The following NFXL1 variants were observed in gnomAD, a reference collection of about 807,000 sequenced individuals.
NFXL1 encodes nuclear transcription factor, X-box binding like 1.
NFXL1 carries 66 observed loss-of-function variants against 123.3 expected under a neutral mutation model. The ratio of observed to expected loss-of-function variants is 0.54; its 90% CI spans 0.44 to 0.66. NFXL1 has a LOEUF of 0.66. Ranked by LOEUF, NFXL1 falls within the 30% of genes least tolerant of loss-of-function variation. NFXL1 has a pLI of 0.00. For synonymous variants in NFXL1, 346 were observed against 360.8 expected (o/e 0.96, Z 0.46); for missense variants, 944 against 1,125.6 (o/e 0.84, Z 2.31).
chr4:47,903,016 A>G (rs542659161), intron 5 of NFXL1, among the ~76,000 whole-genome samples, 177 bp downstream of exon 5: 7 of 152,276 alleles, frequency 4.6e-5, no homozygotes, highest in African/African-American at 1.7e-4. Flanking sequence ...TTAGCCAGGC[A>G]TAGTGACAGG....
Position 47,862,836 on chromosome 4 carries a change from TA to T in NFXL1, c.2316+9del. Reference sequence around the variant, plus strand: ...AGGAATACAATTTAAAAGGTTCTACTAAAGCTTACCTCTTTAGGGCACTGAT... The same window carrying T: ...AGGAATACAATTTAAAAGGTTCTACTAAGCTTACCTCTTTAGGGCACTGAT... On this transcript the variant is annotated intron_variant, in intron 19 of 22. Coordinates refer to ENST00000507489, the MANE Select transcript of NFXL1 (RefSeq NM_001278624.2). The T allele has an allele frequency of 6.8e-7, 1 of 1,478,024 alleles. No individual in the cohort carries two copies. Among genetic ancestry groups the T allele is most frequent in the Non-Finnish European group, 9.3e-7 (1 of 1,076,576 alleles). The allele number at this position is 1,478,024 out of a possible 1,614,324, so 91.6% of individuals were successfully genotyped here.
chr4:47,880,807 T>TAAAAAAAAAAAA (rs57880960), intron 15 of NFXL1, among the ~76,000 whole-genome samples: 2 of 78,832 alleles, frequency 2.5e-5, no homozygotes, highest in African/African-American at 4.7e-5. Flanking sequence ...AATTAATGAG[T>TAAAAAAAAAAAA]AAAAAAAAAA....
At position 47,848,167 on chromosome 4, in the gene NFXL1, T is replaced by C. The variant is rs775580487; in HGVS notation, c.2732A>G (p.Asn911Ser). Reference protein sequence around the residue: ...VFAWYITHDVN With the variant: ...VFAWYITHDVS ...ATTAAAAGATCAAAACTTTTTTTAA[T>C]TGACATCATGGGTGATGTACCAGGC... The change falls in exon 23 of 23, where the codon AAT becomes AGT. Residue 911 changes from asparagine (N) to serine (S), a missense_variant. By Grantham distance (46) the Asn-to-Ser change is conservative. This residue lies in a region of NFXL1 where 301 missense variants were observed against 348.0 expected (regional missense o/e 0.86). Coordinates refer to ENST00000507489, the MANE Select transcript of NFXL1 (RefSeq NM_001278624.2). 2 of 1,549,822 alleles carry C rather than the reference T, an allele frequency of 1.3e-6. No individual in the cohort carries two copies. The highest frequency in any genetic ancestry group is 1.7e-6 in the Non-Finnish European group (2 of 1,144,838).
At chr4:47,871,166 T>C (rs554698239) in intron 18 of NFXL1, among the ~76,000 whole-genome samples, 75 of 152,152 alleles carry the variant, frequency 4.9e-4, no homozygotes, top group Non-Finnish European at 8.4e-4. Context: ...CTGGCTAACA[T>C]GGTGAAACCC....
intron 10 of NFXL1, among the ~76,000 whole-genome samples, chr4:47,895,415 C>A (rs1361010306): frequency 6.6e-6 from 1 of 152,184 alleles, no homozygotes; most frequent in Non-Finnish European, 1.5e-5. Flanking sequence ...AGTTGAAAAT[C>A]TTTTGTTCAA....
intron 15 of NFXL1, among the ~76,000 whole-genome samples, chr4:47,880,231 T>C (rs2110072536): frequency 6.6e-6 from 1 of 151,806 alleles, no homozygotes. Flanking sequence ...TCCCTGTCTC[T>C]ACAAAAAATT....
In NFXL1 at chr4:47,905,349, G is replaced by C; in HGVS notation, c.407-3C>G. 1 of 1,461,384 alleles carries C rather than the reference G, an allele frequency of 6.8e-7. No homozygotes were observed. The highest frequency in any genetic ancestry group is 9.5e-7 in the Non-Finnish European group (1 of 1,048,802). The allele number at this position is 1,461,384 out of a possible 1,614,324, so 90.5% of individuals were successfully genotyped here. A position where few individuals can be genotyped will look rare whatever the true frequency, so the allele number is the denominator to read the frequency against. ...CTCTAATTCACGTGTATCTCCATCTGGAAATTTAAAGATTGAAAATCTCAC... is the reference window on the plus strand; with the variant it reads ...CTCTAATTCACGTGTATCTCCATCTCGAAATTTAAAGATTGAAAATCTCAC... On this transcript the variant is annotated splice_region_variant and splice_polypyrimidine_tract_variant and intron_variant, in intron 3 of 22. Transcript: ENST00000507489.
intron 12 of NFXL1, among the ~76,000 whole-genome samples, chr4:47,887,809 T>G (rs1736530785): frequency 6.6e-6 from 1 of 152,170 alleles, no homozygotes; most frequent in South Asian, 2.1e-4. Context: ...ACAGTCTCCC[T>G]ACTGACCAAC....
chr4:47,851,902 A>G lies in NFXL1; in HGVS notation c.2462T>C (p.Ile821Thr), dbSNP rs1347071442. Residue 821 changes from isoleucine (I) to threonine (T), a missense_variant, in exon 21 of 23, where the codon ATA (isoleucine) becomes ACA (threonine). Ile to Thr is a moderately conservative substitution (Grantham distance 89). Transcript: ENST00000507489. ...TTCCTTGCACGTTGTGTCACATTCT[A>G]TTGAAACCTGATTTTCACGTACTTT... ...CNKVRENQVS[I>T]ECDTTCKEMK... The G allele has an allele frequency of 7.4e-6, 12 of 1,611,822 alleles. No individual in the cohort carries two copies. The highest frequency in any genetic ancestry group is 9.3e-6 in the Non-Finnish European group (11 of 1,178,252).
intron 17 of NFXL1, among the ~76,000 whole-genome samples, chr4:47,875,821 T>C (rs1262855633): frequency 6.6e-6 from 1 of 152,192 alleles, no homozygotes; most frequent in Non-Finnish European, 1.5e-5. Context: ...TATATTTTAA[T>C]GCACATCAAT....
At chr4:47,862,257 G>C (rs1734810460) in intron 19 of NFXL1, among the ~76,000 whole-genome samples, 1 of 152,102 alleles carries the variant, frequency 6.6e-6, no homozygotes, top group South Asian at 2.1e-4. Context: ...ACAACCACAA[G>C]AATCTTTAAA....
intron 9 of NFXL1, 135 bp from the exon 10 acceptor site, chr4:47,896,782 G>T: frequency 3.7e-6 from 2 of 541,208 alleles, no homozygotes; most frequent in Non-Finnish European, 6.4e-6. Context: ...ATAATCATTG[G>T]GAAAAATTAA....
At position 47,878,529 on chromosome 4, in the gene NFXL1, T is replaced by C. The variant is rs201819990; in HGVS notation, c.2075A>G (p.Asn692Ser). The C allele has an allele frequency of 1.1e-5, 17 of 1,573,940 alleles. No homozygotes were observed. The highest frequency in any genetic ancestry group is 1.9e-5 in the Admixed American group (1 of 53,212). Residue 692 changes from asparagine (N) to serine (S), a missense_variant, in exon 17 of 23, where the codon AAC becomes AGC. This residue lies in a region of NFXL1 where 301 missense variants were observed against 348.0 expected (regional missense o/e 0.86). Coordinates refer to ENST00000507489, the MANE Select transcript of NFXL1 (RefSeq NM_001278624.2). ...VTKTDGCTGK[N>S]KAGPECLHCE... ...CATTCAATCTAAGAACATTACCTTGTTTTTTCCAGTGCAGCCATCAGTTTT... is the reference window on the plus strand; with the variant it reads ...CATTCAATCTAAGAACATTACCTTGCTTTTTCCAGTGCAGCCATCAGTTTT...
intron 14 of NFXL1, among the ~76,000 whole-genome samples, chr4:47,885,215 A>G (rs966764393): frequency 6.6e-6 from 1 of 152,022 alleles, no homozygotes; most frequent in Non-Finnish European, 1.5e-5. Context: ...ATTATAGGAG[A>G]TATCTATAAC....
At chr4:47,865,912 A>T (rs1735037694) in intron 18 of NFXL1, among the ~76,000 whole-genome samples, 1 of 152,192 alleles carries the variant, frequency 6.6e-6, no homozygotes, top group Non-Finnish European at 1.5e-5. Flanking sequence ...GCTACTAGGA[A>T]AGCTGAGGTG....
At position 47,887,725 on chromosome 4, in the gene NFXL1, G is replaced by A. The variant is rs118065821; in HGVS notation, c.1544-1726C>T. Among the ~76,000 whole-genome samples the A allele has an allele frequency of 2.8e-3, 428 of 152,116 alleles. 10 individuals are homozygous for A. The East Asian group carries it at 0.042, about 15-fold the overall frequency. On this transcript the variant is annotated intron_variant, in intron 12 of 22. Transcript: ENST00000507489. ...CAGAGGAACCTTTTTGTTATCAAAC[G>A]TAACCTTTTTGTTATTCTAAACAAC...
At chr4:47,877,046 G>A (rs2110068177) in intron 17 of NFXL1, 1 of 1,251,476 alleles carries the variant, frequency 8.0e-7, no homozygotes, top group African/African-American at 1.5e-5. Flanking sequence ...TTCCTATGTG[G>A]TACACCTACA....
At position 47,914,212 on chromosome 4, in the gene NFXL1, AG is replaced by A. The variant is rs1578048824; in HGVS notation, c.-2-8del. The stretch of plus-strand genomic sequence containing the variant: ...CGCCAGGAAGCTTCCATCCCTGCAA[AG>A]GAGAAAAAAAAAAAAAAGAGTGGAA... On this transcript the variant is annotated splice_polypyrimidine_tract_variant and splice_region_variant and intron_variant, in intron 1 of 22. Coordinates refer to ENST00000507489, the MANE Select transcript of NFXL1 (RefSeq NM_001278624.2). 6 of 1,453,580 alleles carry A rather than the reference AG, an allele frequency of 4.1e-6. No individual in the cohort carries two copies. The highest frequency in any genetic ancestry group is 5.0e-5 in the Admixed American group (2 of 40,332). The allele number at this position is 1,453,580 out of a possible 1,614,324, so 90.0% of individuals were successfully genotyped here. A position where few individuals can be genotyped will look rare whatever the true frequency, so the allele number is the denominator to read the frequency against.
chr4:47,894,739 G>A (rs998755183), intron 10 of NFXL1, among the ~76,000 whole-genome samples: 9 of 151,980 alleles, frequency 5.9e-5, no homozygotes, highest in African/African-American at 1.2e-4. Flanking sequence ...TTGAACACTC[G>A]AAGTCACCCA....
Sources: allele counts gnomAD v4.1 joint callset (sites outside exome capture counted in the v4.1 genomes callset), GRCh38; gene constraint gnomAD v4.1.1; regional missense constraint gnomAD v4.1.1; transcripts MANE v1.5; gene names NCBI Gene and HGNC (gene_info 2026-07-23, HGNC 2026-07-21).